ARX: variants seen among roughly 807,000 people sequenced by gnomAD.
The protein encoded by ARX is aristaless related homeobox.
Under a neutral mutation model 23.1 loss-of-function variants are expected in ARX, and 1 was observed. The observed-to-expected ratio is 0.04, with a 90% CI of 0.02 to 0.21. The LOEUF (loss-of-function observed/expected upper bound fraction) is 0.21, where lower values mean the gene tolerates loss of function less well. Ranked by LOEUF, ARX falls within the 10% of genes least tolerant of loss-of-function variation. ARX has a pLI of 1.00. For synonymous variants in ARX, 301 were observed against 270.1 expected (o/e 1.11, Z -1.12); for missense variants, 380 against 527.5 (o/e 0.72, Z 2.74).
rs1414898005 is a variant in ARX, at chrX:25,004,247, C to T, written c.*423G>A. On this transcript the variant is annotated 3_prime_UTR_variant, in exon 5 of 5. Coordinates refer to ENST00000379044, the MANE Select transcript of ARX (RefSeq NM_139058.3). ...TCGCTGGGGAGATCAACTTCGAGCG[C>T]CAAAATGCTATTTAAAAAAAAAAAA... 7.2e-6 allele frequency: 1 copy of T among 139,652 alleles called. No homozygotes were observed. The highest frequency in any genetic ancestry group is 3.5e-5 in the African/African-American group (1 of 28,591). The allele number at this position is 139,652 out of a possible 1,213,427, so 11.5% of individuals were successfully genotyped here.
At position 25,013,712 on chromosome X, in the gene ARX, G is replaced by T; in HGVS notation, c.283C>A (p.Arg95Ser). 1 of 912,068 alleles carries T rather than the reference G, an allele frequency of 1.1e-6. No homozygotes were observed. Among genetic ancestry groups the T allele is most frequent in the Non-Finnish European group, 1.4e-6 (1 of 740,371 alleles). 75.2% of individuals were successfully genotyped at this position (912,068 alleles called of 1,213,427 possible). ...LRRLYGPGGGRLLQGAAAAAA... is the reference protein window; with the variant it reads ...LRRLYGPGGGSLLQGAAAAAA... ...GCCGCTGCCGCACCCTGAAGGAGGC[G>T]GCCCCCGCCCGGGCCGTACAGGCGC... Residue 95 changes from arginine (R) to serine (S), a missense_variant, in exon 2 of 5, where the codon CGC becomes AGC. Arg to Ser is a moderately radical substitution (Grantham distance 110). Coordinates refer to ENST00000379044, the MANE Select transcript of ARX (RefSeq NM_139058.3).
intron 2 of ARX, among the ~76,000 whole-genome samples, chrX:25,011,041 G>A (rs965711279): frequency 2.7e-5 from 3 of 112,225 alleles, no homozygotes; most frequent in Admixed American, 9.4e-5. Flanking sequence ...AGTTATTACT[G>A]CGACAATTAA....
At chrX:25,007,676 G>T (rs1027700705) in intron 3 of ARX, among the ~76,000 whole-genome samples, 1 of 111,765 alleles carries the variant, frequency 8.9e-6, no homozygotes, top group African/African-American at 3.3e-5. Flanking sequence ...CCTTTCTGCC[G>T]GCATTCCACC....
chrX:25,014,838 C>G (rs180853277), intron 1 of ARX, among the ~76,000 whole-genome samples: 177 of 111,892 alleles, frequency 1.6e-3, no homozygotes, highest in Admixed American at 3.5e-3. Context: ...AAGCTCGAGG[C>G]GAAACTTGAG....
rs2048666073 is a variant in ARX at position 25,004,156 on chromosome X, A to G, written c.*514T>C. Reference sequence around the variant, plus strand: ...AAGAACAAGACGCCCCTTTCCTTTAAGTGCACTGTTAGCTATCTTACAGGC... The same window carrying G: ...AAGAACAAGACGCCCCTTTCCTTTAGGTGCACTGTTAGCTATCTTACAGGC... On this transcript the variant is annotated 3_prime_UTR_variant, in exon 5 of 5. Coordinates refer to ENST00000379044, the MANE Select transcript of ARX (RefSeq NM_139058.3). 8.6e-6 allele frequency: 1 copy of G among 116,597 alleles called. No homozygotes were observed. The highest frequency in any genetic ancestry group is 3.5e-4 in the South Asian group (1 of 2,898). The allele number at this position is 116,597 out of a possible 1,213,427, so 9.6% of individuals were successfully genotyped here. A position where few individuals can be genotyped will look rare whatever the true frequency, so the allele number is the denominator to read the frequency against.
Position 25,004,276 on chromosome X carries a change from A to C in ARX, c.*394T>G. The C allele has an allele frequency of 6.8e-6, 1 of 146,193 alleles. No individual in the cohort carries two copies. The highest frequency in any genetic ancestry group is 1.3e-5 in the Non-Finnish European group (1 of 75,721). 12.0% of individuals were successfully genotyped at this position (146,193 alleles called of 1,213,427 possible). On this transcript the variant is annotated 3_prime_UTR_variant, in exon 5 of 5. Transcript: ENST00000379044. ...AATGCTATTTAAAAAAAAAAAAGAA[A>C]GAAAGAAAGAAAGAAAAGAAAGGCT...
In ARX at chrX:25,012,811, C is replaced by A. The variant is rs1194937012; in HGVS notation, c.1073+111G>T. 6 of 1,148,344 alleles carry A rather than the reference C, an allele frequency of 5.2e-6. No homozygotes were observed. In the Admixed American group the frequency reaches 1.3e-4, roughly 25 times the overall value. 94.6% of individuals were successfully genotyped at this position (1,148,344 alleles called of 1,213,427 possible). A position where few individuals can be genotyped will look rare whatever the true frequency, so the allele number is the denominator to read the frequency against. ...TTGGGAGGGCGCTCTTCCACAGAGTCCAGGAGCCAAGCGTCCGCCCCGAGG... is the reference window on the plus strand; with the variant it reads ...TTGGGAGGGCGCTCTTCCACAGAGTACAGGAGCCAAGCGTCCGCCCCGAGG... On this transcript the variant is annotated intron_variant, in intron 2 of 4. Transcript: ENST00000379044.
At chrX:25,011,680 G>T (rs1276118815) in intron 2 of ARX, among the ~76,000 whole-genome samples, 3 of 113,232 alleles carry the variant, frequency 2.6e-5, no homozygotes, top group Non-Finnish European at 5.6e-5. Context: ...CATTAAGTCT[G>T]CTCTTTTCTG....
intron 4 of ARX, 52 bp downstream of exon 4, chrX:25,007,059 C>T: frequency 8.7e-7 from 1 of 1,154,292 alleles, no homozygotes; most frequent in South Asian, 1.9e-5. Flanking sequence ...CCCCCAGCCT[C>T]TGTGTGTATG....
chrX:25,004,630 T>G lies in ARX; in HGVS notation c.*40A>C. ...TTGAGTGGTGCTGAGTGAGGTGACCTTTCGGGGCGCGCGCGGGGCGCGGGT... is the reference window on the plus strand; with the variant it reads ...TTGAGTGGTGCTGAGTGAGGTGACCGTTCGGGGCGCGCGCGGGGCGCGGGT... On this transcript the variant is annotated 3_prime_UTR_variant, in exon 5 of 5. Coordinates refer to ENST00000379044, the MANE Select transcript of ARX (RefSeq NM_139058.3). 8.6e-7 allele frequency: 1 copy of G among 1,163,632 alleles called. No individual in the cohort carries two copies. Among genetic ancestry groups the G allele is most frequent in the South Asian group, 1.9e-5 (1 of 52,589 alleles).
In ARX at chrX:25,012,933, G is replaced by A. The variant is rs1281927576; in HGVS notation, c.1062C>T (p.Asp354=). 8.3e-7 allele frequency: 1 copy of A among 1,205,669 alleles called. No homozygotes were observed. Among genetic ancestry groups the A allele is most frequent in the Non-Finnish European group, 1.1e-6 (1 of 893,096 alleles). ...CCCTACGCGCATACCTGGTGAAGAC[G>A]TCCGGGTAGTGCGTCTTCTGGAAGG... ...ERAFQKTHYP[D]VFTREELAMR... Residue 354 remains aspartate (D), a synonymous_variant, in exon 2 of 5, where the codon GAC becomes GAT. Coordinates refer to ENST00000379044, the MANE Select transcript of ARX (RefSeq NM_139058.3).
At chrX:25,011,944 G>T (rs769893648) in intron 2 of ARX, among the ~76,000 whole-genome samples, 1 of 112,811 alleles carries the variant, frequency 8.9e-6, no homozygotes, top group Non-Finnish European at 1.9e-5. Flanking sequence ...CTGGCTCCTC[G>T]CCTGAGCTGA....
rs773666007 is a variant in ARX at position 25,004,871 on chromosome X, G to A, written c.1488C>T (p.Thr496=). 59 of 1,147,763 alleles carry A rather than the reference G, an allele frequency of 5.1e-5. No homozygotes were observed. The highest frequency in any genetic ancestry group is 6.6e-5 in the Non-Finnish European group (57 of 866,862). The allele number at this position is 1,147,763 out of a possible 1,213,427, so 94.6% of individuals were successfully genotyped here. Residue 496 remains threonine (T), a synonymous_variant, in exon 5 of 5, where the codon ACC becomes ACT. Coordinates refer to ENST00000379044, the MANE Select transcript of ARX (RefSeq NM_139058.3). ...STMAPLTSAS[T]AAALLRQPTP... is the part of the protein sequence containing the mutation. ...TGGGCTGTCTCAGGAGCGCGGCCGC[G>A]GTCGACGCGCTGGTCAGGGGGGCCA... is the stretch of plus-strand genomic sequence containing the variant.
chrX:25,013,175 C>A lies in ARX; in HGVS notation c.820G>T (p.Val274Leu). ...ACTGCAGCGGCAGCTGCTGCGGCCA[C>A]GGCGCCAGTGGCGGCCACAGGACAG... is the stretch of plus-strand genomic sequence containing the variant. ...RRCPVAATGAVAAAAAAAVAT... is the reference protein window; with the variant it reads ...RRCPVAATGALAAAAAAAVAT... The change falls in exon 2 of 5, where the codon GTG (valine) becomes TTG (leucine). Residue 274 changes from valine to leucine, a missense_variant. By Grantham distance (32) the Val-to-Leu change is conservative. Transcript: ENST00000379044. 8.4e-7 allele frequency: 1 copy of A among 1,190,023 alleles called. No homozygotes were observed. The highest frequency in any genetic ancestry group is 1.1e-6 in the Non-Finnish European group (1 of 885,988).
chrX:25,009,755 G>A (rs747271200), intron 3 of ARX, among the ~76,000 whole-genome samples: 10 of 111,873 alleles, frequency 8.9e-5, no homozygotes, highest in Non-Finnish European at 1.3e-4. Context: ...CTCCTTGTGC[G>A]GGGCGGAGGG....
chrX:25,007,314 G>A lies in ARX; in HGVS notation c.1245C>T (p.Asp415=), dbSNP rs2147320537. 2 of 1,133,362 alleles carry A rather than the reference G, an allele frequency of 1.8e-6. No homozygotes were observed. Among genetic ancestry groups the A allele is most frequent in the Non-Finnish European group, 2.3e-6 (2 of 862,239 alleles). The allele number at this position is 1,133,362 out of a possible 1,213,427, so 93.4% of individuals were successfully genotyped here. ...GGTGGTGCGGAGGGAAGGGGCTGGC[G>A]TCCAGGTAGGGGCTGAGCGGGTGGG... ...SATHPLSPYL[D]ASPFPPHHPA... is the part of the protein sequence containing the mutation. Residue 415 remains aspartate, a synonymous_variant, in exon 4 of 5, where the codon GAC becomes GAT. Coordinates refer to ENST00000379044, the MANE Select transcript of ARX (RefSeq NM_139058.3).
In ARX at chrX:25,004,309, G is replaced by T. The variant is rs1326563875; in HGVS notation, c.*361C>A. 1.0e-5 allele frequency: 2 copies of T among 192,226 alleles called. No homozygotes were observed. Among genetic ancestry groups the T allele is most frequent in the Non-Finnish European group, 1.9e-5 (2 of 106,268 alleles). The allele number at this position is 192,226 out of a possible 1,213,427, so 15.8% of individuals were successfully genotyped here. A position where few individuals can be genotyped will look rare whatever the true frequency, so the allele number is the denominator to read the frequency against. On this transcript the variant is annotated 3_prime_UTR_variant, in exon 5 of 5. Transcript: ENST00000379044. ...AGAAAGAAAAGAAAGGCTAAGTGGG[G>T]TGTCAGGAGGAAGAGGTTGGGCTTT...
At chrX:25,009,346 C>T (rs1451811494) in intron 3 of ARX, among the ~76,000 whole-genome samples, 2 of 111,849 alleles carry the variant, frequency 1.8e-5, no homozygotes, top group Admixed American at 9.5e-5. Context: ...AACTTTCCCA[C>T]GACTTGTTCC....
chrX:25,013,360 C>A lies in ARX; in HGVS notation c.635G>T (p.Gly212Val), dbSNP rs1409043640. Residue 212 changes from glycine to valine, a missense_variant, in exon 2 of 5, where the codon GGC (glycine) becomes GTC (valine). Coordinates refer to ENST00000379044, the MANE Select transcript of ARX (RefSeq NM_139058.3). The stretch of plus-strand genomic sequence containing the variant: ...GCCACCACCCGCAGCCGGGGCGCTG[C>A]CCGGGCCGCCGGCCACGCCGAGGCG... ...EERLGVAGGP[G>V]SAPAAGGGTG... 4.4e-6 allele frequency: 5 copies of A among 1,144,341 alleles called. No homozygotes were observed. The East Asian group carries it at 1.7e-4, about 39-fold the overall frequency. The allele number at this position is 1,144,341 out of a possible 1,213,427, so 94.3% of individuals were successfully genotyped here.
Sources: allele counts gnomAD v4.1 joint callset (sites outside exome capture counted in the v4.1 genomes callset), GRCh38; gene constraint gnomAD v4.1.1; transcripts MANE v1.5; gene names NCBI Gene and HGNC (gene_info 2026-07-23, HGNC 2026-07-21).